The following KIF11 variants were observed in gnomAD, a reference collection of about 807,000 sequenced individuals.
KIF11 encodes the protein kinesin family member 11, also known as kinesin-like protein KIF11.
Under a neutral mutation model 121.0 loss-of-function variants are expected in KIF11, and 9 were observed. The observed-to-expected ratio is 0.07, with a 90% CI of 0.04 to 0.13. KIF11 has a LOEUF of 0.13. KIF11 is among the 10% of genes least tolerant of loss of function. The pLI is 1.00. For synonymous variants in KIF11, 408 were observed against 421.0 expected (o/e 0.97, Z 0.38); for missense variants, 846 against 1,217.5 (o/e 0.69, Z 4.54).
intron 13 of KIF11, 56 bp downstream of exon 13, chr10:92,632,749 A>C: frequency 3.2e-6 from 3 of 934,312 alleles, no homozygotes; most frequent in Non-Finnish European, 4.5e-6. Context: ...TGTTGATTTC[A>C]AAACTGATAA....
At chr10:92,643,093 C>G (rs1269605194) in intron 17 of KIF11, among the ~76,000 whole-genome samples, 1 of 151,918 alleles carries the variant, frequency 6.6e-6, no homozygotes, top group Non-Finnish European at 1.5e-5. Flanking sequence ...TAAATTTTTA[C>G]TAGAGATGGG....
intron 17 of KIF11, among the ~76,000 whole-genome samples, chr10:92,641,747 C>CT (rs1273357767): frequency 1.3e-5 from 2 of 152,152 alleles, no homozygotes; most frequent in African/African-American, 4.8e-5. Context: ...GCCCTATACT[C>CT]TTTTTCATCT....
intron 21 of KIF11, among the ~76,000 whole-genome samples, chr10:92,651,548 T>TTTTTTTG (rs1844984273): frequency 8.5e-6 from 1 of 117,108 alleles, no homozygotes; most frequent in Non-Finnish European, 1.8e-5. Flanking sequence ...TTTTTTTTTT[T>TTTTTTTG]AGTAGAGGGG....
chr10:92,644,076 G>T (rs1283926572), intron 17 of KIF11, among the ~76,000 whole-genome samples: 2 of 152,110 alleles, frequency 1.3e-5, no homozygotes, highest in Non-Finnish European at 2.9e-5. Context: ...GAGTAGGATT[G>T]AAGTAGGAAG....
chr10:92,632,728 G>C (rs1844752129), intron 13 of KIF11, 35 bp downstream of exon 13: 2 of 1,337,390 alleles, frequency 1.5e-6, no homozygotes, highest in Non-Finnish European at 2.1e-6. Flanking sequence ...GTCTTGATGT[G>C]TTAAGTGTAA....
chr10:92,623,691 C>T (rs1212010358), intron 10 of KIF11, among the ~76,000 whole-genome samples: 2 of 152,122 alleles, frequency 1.3e-5, no homozygotes, highest in Non-Finnish European at 2.9e-5. Context: ...AGTTTACCAT[C>T]ACTAATGGAG....
At chr10:92,593,562 C>T (rs1455736912) in intron 1 of KIF11, 110 bp downstream of exon 1, 1 of 892,096 alleles carries the variant, frequency 1.1e-6, no homozygotes, top group South Asian at 1.7e-5. Context: ...GTCCCAGTTT[C>T]TTGGTTCTCC....
chr10:92,599,839 G>T (rs1844347003), intron 1 of KIF11, among the ~76,000 whole-genome samples: 1 of 150,190 alleles, frequency 6.7e-6, no homozygotes, highest in African/African-American at 2.4e-5. Flanking sequence ...TTTTAGTAGA[G>T]ACGGGGTTTC....
Position 92,645,517 on chromosome 10 carries a change from C to T in KIF11, c.2422C>T (p.Leu808=). 1 of 1,613,964 alleles carries T rather than the reference C, an allele frequency of 6.2e-7. No homozygotes were observed. Among genetic ancestry groups the T allele is most frequent in the African/African-American group, 1.3e-5 (1 of 75,016 alleles). The change falls in exon 18 of 22, where the codon CTG becomes TTG. Residue 808 remains leucine (L), a synonymous_variant. Coordinates refer to ENST00000260731, the MANE Select transcript of KIF11 (RefSeq NM_004523.4). The part of the protein sequence containing the change: ...VKHSDKLNGN[L]EKISQETEQR... ...ACACTCTGATAAACTCAATGGCAACCTGGAAAAAATATCTCAAGAGACTGA... is the reference window on the plus strand; with the variant it reads ...ACACTCTGATAAACTCAATGGCAACTTGGAAAAAATATCTCAAGAGACTGA...
At chr10:92,637,111 G>T in intron 14 of KIF11, 73 bp from the exon 15 acceptor site, 4 of 1,088,052 alleles carry the variant, frequency 3.7e-6, no homozygotes, top group Admixed American at 2.7e-5. Flanking sequence ...AAGTATTTAA[G>T]ATATCATTTA....
chr10:92,635,712 C>T (rs1264919045), intron 14 of KIF11, among the ~76,000 whole-genome samples: 2 of 152,180 alleles, frequency 1.3e-5, no homozygotes, highest in Non-Finnish European at 2.9e-5. Context: ...TAGACGTGCT[C>T]AAGGTAGGGT....
intron 14 of KIF11, among the ~76,000 whole-genome samples, chr10:92,635,782 C>CA (rs1244869039): frequency 6.6e-6 from 1 of 152,104 alleles, no homozygotes; most frequent in Non-Finnish European, 1.5e-5. Context: ...AGGTGAAGCA[C>CA]AATAAAATAA....
intron 19 of KIF11, among the ~76,000 whole-genome samples, chr10:92,649,393 G>A (rs1386473345): frequency 1.3e-5 from 2 of 151,928 alleles, no homozygotes; most frequent in Middle Eastern, 3.2e-3. Flanking sequence ...TGAGCCCAGG[G>A]GTTCAAGACC....
chr10:92,633,801 T>C lies in KIF11; in HGVS notation c.1875+6T>C. The stretch of plus-strand genomic sequence containing the variant: ...CTGTACTACAGGAATTGATTGTTAG[T>C]ACATCCTTTAAAATATTTTTGAAGG... On this transcript the variant is annotated splice_donor_region_variant and intron_variant, in intron 14 of 21. Coordinates refer to ENST00000260731, the MANE Select transcript of KIF11 (RefSeq NM_004523.4). 1 of 1,533,928 alleles carries C rather than the reference T, an allele frequency of 6.5e-7. No individual in the cohort carries two copies. The highest frequency in any genetic ancestry group is 8.9e-7 in the Non-Finnish European group (1 of 1,123,262).
Position 92,609,297 on chromosome 10 carries a change from AGAGAGAGTGTGTGT to A in KIF11, c.574-86_574-73del, listed in dbSNP as rs58043527. 1.8e-3 allele frequency: 1,486 copies of A among 849,120 alleles called. 6 individuals are homozygous for A. The African/African-American group carries it at 0.027, about 16-fold the overall frequency. 52.6% of individuals were successfully genotyped at this position (849,120 alleles called of 1,614,324 possible). On this transcript the variant is annotated intron_variant, in intron 5 of 21. Transcript: ENST00000260731. Reference sequence around the variant, plus strand: ...GAGAGAGAGAGAGAGAGAGAGAGAGAGAGAGAGTGTGTGTGTGTGTGTGTGTGTGTGTGTGTGTG... The same window carrying A: ...GAGAGAGAGAGAGAGAGAGAGAGAGAGTGTGTGTGTGTGTGTGTGTGTGTG...
intron 17 of KIF11, among the ~76,000 whole-genome samples, chr10:92,643,402 T>C (rs920063601): frequency 1.3e-5 from 2 of 152,178 alleles, no homozygotes; most frequent in African/African-American, 4.8e-5. Context: ...TCATGTGTAG[T>C]GAAAGGACAT....
In KIF11 at chr10:92,593,482, G is replaced by T. The variant is rs371718798; in HGVS notation, c.77+30G>T. 54 of 1,588,588 alleles carry T rather than the reference G, an allele frequency of 3.4e-5. No homozygotes were observed. The African/African-American group carries it at 6.4e-4, about 19-fold the overall frequency. ...GGAGAGGGCTGACAGGATTCCGAGC[G>T]CTGCGGCTTCGCTGCTGGGCCCCCT... On this transcript the variant is annotated intron_variant, in intron 1 of 21. Transcript: ENST00000260731.
rs1033838000 is a variant in KIF11, at chr10:92,599,033, C to T, written c.77+5581C>T. Among the ~76,000 whole-genome samples the T allele has an allele frequency of 3.3e-5, 5 of 152,154 alleles. No homozygotes were observed. The South Asian group carries it at 1.0e-3, about 32-fold the overall frequency. ...CCTCAGGTGATCCACCCACCTTGGC[C>T]TCCCAAAGTGCTGGGATTATAGGCG... is the stretch of plus-strand genomic sequence containing the variant. On this transcript the variant is annotated intron_variant, in intron 1 of 21. Coordinates refer to ENST00000260731, the MANE Select transcript of KIF11 (RefSeq NM_004523.4).
intron 3 of KIF11, among the ~76,000 whole-genome samples, 166 bp downstream of exon 3, chr10:92,606,882 A>G (rs780523339): frequency 1.2e-4 from 18 of 151,712 alleles, no homozygotes; most frequent in African/African-American, 4.4e-4. Context: ...GGTTCAAGCA[A>G]TTCTCCTGTT....
Sources: gnomAD v4.1 joint callset for allele counts (sites outside exome capture counted in the v4.1 genomes callset) on GRCh38, gnomAD v4.1.1 for gene constraint, MANE v1.5 for transcripts, NCBI Gene and HGNC (gene_info 2026-07-23, HGNC 2026-07-21) for gene names.